Variants in TRMT11 observed in about 807,000 individuals in gnomAD.
TRMT11 encodes the protein tRNA methyltransferase 11.
In TRMT11, 53 loss-of-function variants were observed where a neutral mutation model predicts 62.8. That is an observed-to-expected ratio of 0.84 (90% CI 0.68 to 1.06). The LOEUF (loss-of-function observed/expected upper bound fraction) is 1.06. Among genes scored for constraint, TRMT11 ranks in the 50% least tolerant of loss-of-function variants. The pLI is 0.00. For missense variants in TRMT11, 556 were observed against 553.4 expected (o/e 1.00, Z -0.05); for synonymous variants, 188 against 190.3 (o/e 0.99, Z 0.10).
intron 17 of TRMT11, among the ~76,000 whole-genome samples, chr6:126,062,977 C>G (rs983477387): frequency 8.5e-5 from 13 of 152,130 alleles, no homozygotes; most frequent in African/African-American, 2.7e-4. Flanking sequence ...ATCATCAGTA[C>G]TCTTCAGCCA....
At chr6:126,090,377 A>T (rs1005478577) in intron 17 of TRMT11, among the ~76,000 whole-genome samples, 27 of 152,200 alleles carry the variant, frequency 1.8e-4, no homozygotes, top group African/African-American at 6.5e-4. Flanking sequence ...TCCCTAACAG[A>T]CCATGCTGTG....
chr6:126,216,785 C>A, the TRMT11 span, among the ~76,000 whole-genome samples: 1 of 152,102 alleles, frequency 6.6e-6, no homozygotes, highest in Non-Finnish European at 1.5e-5. Context: ...ATATCTATCT[C>A]TAGGTTTGTG....
chr6:126,111,085 C>G (rs1175250098), intron 17 of TRMT11, among the ~76,000 whole-genome samples: 1 of 151,962 alleles, frequency 6.6e-6, no homozygotes, highest in Non-Finnish European at 1.5e-5. Flanking sequence ...TTCCAAGAAC[C>G]CTGGGAGGGA....
At chr6:126,080,142 C>T (rs1354176602) in intron 17 of TRMT11, among the ~76,000 whole-genome samples, 1 of 152,038 alleles carries the variant, frequency 6.6e-6, no homozygotes, top group Non-Finnish European at 1.5e-5. Flanking sequence ...CACTTTGTTA[C>T]CCAGGCTGGA....
At chr6:126,143,670 A>T (rs1045216383) in intron 21 of TRMT11, among the ~76,000 whole-genome samples, 31 of 152,138 alleles carry the variant, frequency 2.0e-4, no homozygotes, top group African/African-American at 7.2e-4. Flanking sequence ...TTTGGTTTTT[A>T]AAAAAATTAA....
At chr6:126,191,464 CTT>C (rs77414207) in intron 1 of TRMT11, among the ~76,000 whole-genome samples, 2,404 of 102,366 alleles carry the variant, frequency 0.023, 40 homozygotes, top group African/African-American at 0.079. Context: ...TCCTACTTGT[CTT>C]TTTTTTTTTT....
chr6:125,988,974 CAG>C (rs1790134083), intron 1 of TRMT11, among the ~76,000 whole-genome samples: 2 of 152,170 alleles, frequency 1.3e-5, no homozygotes, highest in East Asian at 3.9e-4. Flanking sequence ...CTGTGAGAAA[CAG>C]AAACAGGCTT....
chr6:126,190,815 T>C (rs1377391826), intron 1 of TRMT11, among the ~76,000 whole-genome samples: 1 of 152,216 alleles, frequency 6.6e-6, no homozygotes, highest in Non-Finnish European at 1.5e-5. Context: ...TGTGTCTACA[T>C]ACCACATTTT....
intron 16 of TRMT11, among the ~76,000 whole-genome samples, chr6:126,051,037 C>G (rs1288500493): frequency 6.6e-6 from 1 of 152,060 alleles, no homozygotes; most frequent in Non-Finnish European, 1.5e-5. Flanking sequence ...TCCAGCCTGC[C>G]CTGGGGCTGG....
At chr6:126,001,694 C>T (rs1392211878) in intron 7 of TRMT11, among the ~76,000 whole-genome samples, 1 of 151,966 alleles carries the variant, frequency 6.6e-6, no homozygotes, top group African/African-American at 2.4e-5. Flanking sequence ...ATCCAGTCTC[C>T]TCTCACCACT....
At chr6:126,113,055 C>T (rs1777550023) in intron 18 of TRMT11, among the ~76,000 whole-genome samples, 1 of 152,034 alleles carries the variant, frequency 6.6e-6, no homozygotes, top group African/African-American at 2.4e-5. Flanking sequence ...GGTGAACTCC[C>T]TCCCTGGCCT....
intron 3 of TRMT11, 127 bp downstream of exon 3, chr6:125,996,167 G>C: frequency 5.2e-6 from 3 of 577,458 alleles, no homozygotes; most frequent in Non-Finnish European, 9.1e-6. Flanking sequence ...AACTGCCACT[G>C]GGTGGCGGTG....
chr6:126,043,115 CATATGTAT>C (rs1275935538), downstream of TRMT11, among the ~76,000 whole-genome samples: 2 of 151,154 alleles, frequency 1.3e-5, no homozygotes, highest in African/African-American at 4.9e-5. Context: ...AGGTTAGTTA[CATATGTAT>C]ACATGTGCCA....
At chr6:126,266,344 C>G in the TRMT11 span, among the ~76,000 whole-genome samples, 4 of 152,130 alleles carry the variant, frequency 2.6e-5, no homozygotes, top group African/African-American at 9.7e-5. Flanking sequence ...TTAGCATGTT[C>G]CTATTCAGCA....
chr6:126,106,258 CT>C (rs1186998209), intron 17 of TRMT11, among the ~76,000 whole-genome samples: 2 of 152,028 alleles, frequency 1.3e-5, no homozygotes, highest in African/African-American at 2.4e-5. Context: ...ATTCTCCTGC[CT>C]CAGCCTCCCA....
intron 17 of TRMT11, among the ~76,000 whole-genome samples, chr6:126,068,719 G>C (rs1194510108): frequency 6.6e-6 from 1 of 152,124 alleles, no homozygotes; most frequent in Non-Finnish European, 1.5e-5. Flanking sequence ...ATTCAAGAGC[G>C]TATCGGCTAT....
the TRMT11 span, among the ~76,000 whole-genome samples, chr6:126,251,513 T>C: frequency 6.6e-6 from 1 of 152,196 alleles, no homozygotes; most frequent in Non-Finnish European, 1.5e-5. Flanking sequence ...TTTTGAAGTA[T>C]ACAATACATT....
chr6:126,240,210 G>A, the TRMT11 span, among the ~76,000 whole-genome samples: 16 of 152,254 alleles, frequency 1.1e-4, no homozygotes, highest in East Asian at 3.9e-4. Flanking sequence ...CTCTCAACTC[G>A]TCAAAGTCAT....
the TRMT11 span, among the ~76,000 whole-genome samples, chr6:126,248,517 G>C: frequency 2.6e-5 from 4 of 152,048 alleles, no homozygotes; most frequent in African/African-American, 9.6e-5. Context: ...AAAAAACAAA[G>C]TCACCTTTCA....
Sources: allele counts gnomAD v4.1 joint callset (sites outside exome capture counted in the v4.1 genomes callset), GRCh38; gene constraint gnomAD v4.1.1; transcripts MANE v1.5; gene names NCBI Gene and HGNC (gene_info 2026-07-23, HGNC 2026-07-21).